The following SCFD2 variants were observed in gnomAD, a reference collection of about 807,000 sequenced individuals.
SCFD2 encodes the protein sec1 family domain-containing protein 2.
Under a neutral mutation model 58.9 loss-of-function variants are expected in SCFD2, and 54 were observed. The observed-to-expected ratio is 0.92, with a 90% confidence interval of 0.74 to 1.15. The LOEUF is 1.15. Among genes scored for constraint, SCFD2 ranks in the 50% most tolerant of loss-of-function variants. The pLI, the probability that SCFD2 is intolerant of heterozygous loss-of-function variation, is 0.00. For synonymous variants in SCFD2, 321 were observed against 335.9 expected (o/e 0.96, Z 0.49); for missense variants, 805 against 836.6 (o/e 0.96, Z 0.47).
intron 5 of SCFD2, among the ~76,000 whole-genome samples, chr4:53,110,213 C>G (rs1245599926): frequency 6.6e-6 from 1 of 152,126 alleles, no homozygotes; most frequent in African/African-American, 2.4e-5. Flanking sequence ...AACTGGATCC[C>G]TTCCTTACAC....
At chr4:53,295,347 G>C (rs1400227980) in intron 3 of SCFD2, among the ~76,000 whole-genome samples, 1 of 152,034 alleles carries the variant, frequency 6.6e-6, no homozygotes, top group Non-Finnish European at 1.5e-5. Context: ...CCTTGAAGAG[G>C]TCCTTCAAAT....
At chr4:53,239,745 G>C (rs1012128853) in intron 4 of SCFD2, among the ~76,000 whole-genome samples, 4 of 152,092 alleles carry the variant, frequency 2.6e-5, no homozygotes, top group South Asian at 4.1e-4. Context: ...CAAAGTGCTG[G>C]GATTACAGGC....
chr4:53,211,427 G>A (rs986100792), intron 4 of SCFD2, among the ~76,000 whole-genome samples: 4 of 152,150 alleles, frequency 2.6e-5, no homozygotes, highest in East Asian at 1.9e-4. Context: ...ATTGGTAAAC[G>A]TGAGTGTTTT....
chr4:53,144,413 A>G, intron 5 of SCFD2, among the ~76,000 whole-genome samples: 1 of 149,594 alleles, frequency 6.7e-6, no homozygotes, highest in Middle Eastern at 3.5e-3. Flanking sequence ...ATGTATATAT[A>G]TGGACTTATA....
At chr4:52,875,632 CAAAAAG>C (rs1718451241) in intron 8 of SCFD2, among the ~76,000 whole-genome samples, 1 of 150,832 alleles carries the variant, frequency 6.6e-6, no homozygotes, top group African/African-American at 2.4e-5. Context: ...TGATGGAAAA[CAAAAAG>C]TCTATACTCC....
At chr4:53,238,570 G>C in intron 4 of SCFD2, among the ~76,000 whole-genome samples, 1 of 151,104 alleles carries the variant, frequency 6.6e-6, no homozygotes, top group South Asian at 2.1e-4. Flanking sequence ...CAGATGGGGC[G>C]GCTGCCGGGC....
At chr4:53,271,135 T>C (rs892857067) in intron 4 of SCFD2, among the ~76,000 whole-genome samples, 1 of 152,160 alleles carries the variant, frequency 6.6e-6, no homozygotes, top group Non-Finnish European at 1.5e-5. Flanking sequence ...TTAGACATTC[T>C]GGATAATGAA....
intron 5 of SCFD2, among the ~76,000 whole-genome samples, chr4:53,019,878 C>G (rs1031127684): frequency 1.3e-5 from 2 of 152,140 alleles, no homozygotes; most frequent in Non-Finnish European, 2.9e-5. Flanking sequence ...AAAGGACAAG[C>G]TACTCGGAGG....
intron 4 of SCFD2, among the ~76,000 whole-genome samples, chr4:53,217,672 T>G (rs1255508257): frequency 6.6e-6 from 1 of 152,250 alleles, no homozygotes; most frequent in Non-Finnish European, 1.5e-5. Context: ...TGTGTGAATT[T>G]GATCCTGTCA....
intron 2 of SCFD2, among the ~76,000 whole-genome samples, chr4:53,335,280 T>C (rs1469017165): frequency 6.9e-6 from 1 of 143,930 alleles, no homozygotes; most frequent in Non-Finnish European, 1.5e-5. Context: ...CAGAAATACA[T>C]AACCTGAATC....
chr4:52,953,823 T>A (rs958281402), intron 5 of SCFD2, among the ~76,000 whole-genome samples: 3 of 152,228 alleles, frequency 2.0e-5, no homozygotes, highest in Non-Finnish European at 4.4e-5. Context: ...TGGGCAGGAA[T>A]ATTTGATAAA....
intron 5 of SCFD2, among the ~76,000 whole-genome samples, chr4:52,972,660 A>G (rs909864668): frequency 3.3e-5 from 5 of 152,198 alleles, no homozygotes; most frequent in Admixed American, 1.3e-4. Flanking sequence ...CTCTGCACCA[A>G]GCAGACCTAA....
At chr4:52,945,441 A>T (rs1720398624) in intron 5 of SCFD2, among the ~76,000 whole-genome samples, 1 of 152,152 alleles carries the variant, frequency 6.6e-6, no homozygotes. Context: ...CCCTCAACAC[A>T]TATATTTTAA....
At chr4:53,053,817 C>T (rs757161844) in intron 5 of SCFD2, among the ~76,000 whole-genome samples, 1 of 152,100 alleles carries the variant, frequency 6.6e-6, no homozygotes, top group African/African-American at 2.4e-5. Flanking sequence ...TAAATTAATA[C>T]ATAGTAGATG....
At chr4:53,019,001 TGGTCAGATG>T (rs1483765628) in intron 5 of SCFD2, among the ~76,000 whole-genome samples, 1 of 152,210 alleles carries the variant, frequency 6.6e-6, no homozygotes, top group Non-Finnish European at 1.5e-5. Flanking sequence ...GGAATGATTT[TGGTCAGATG>T]GGTCCTCTCA....
chr4:53,079,236 G>T (rs1724070621), intron 5 of SCFD2, among the ~76,000 whole-genome samples: 1 of 152,174 alleles, frequency 6.6e-6, no homozygotes, highest in Non-Finnish European at 1.5e-5. Flanking sequence ...GAGCACTGAT[G>T]TCTGGGGGGC....
In SCFD2 at chr4:53,063,242, T is replaced by C. The variant is rs140857004; in HGVS notation, c.1561+82091A>G. 2.0e-5 allele frequency among the ~76,000 whole-genome samples: 3 copies of C among 152,268 alleles called. No homozygotes were observed. In the East Asian group the frequency reaches 5.8e-4, roughly 29 times the overall value. On this transcript the variant is annotated intron_variant, in intron 5 of 8. Coordinates refer to ENST00000401642, the MANE Select transcript of SCFD2 (RefSeq NM_152540.4). ...TTATTCAAAATTTATTTACAAACAG[T>C]GATCTTAGGACTTTCACCTTTCAAC...
chr4:53,250,075 A>G (rs1474249819), intron 4 of SCFD2, among the ~76,000 whole-genome samples: 4 of 152,200 alleles, frequency 2.6e-5, no homozygotes, highest in African/African-American at 9.6e-5. Context: ...GCAGAGACAC[A>G]CATAGGCTCA....
intron 1 of SCFD2, among the ~76,000 whole-genome samples, chr4:53,360,284 A>C (rs1218818894): frequency 2.6e-5 from 4 of 152,216 alleles, no homozygotes; most frequent in Non-Finnish European, 5.9e-5. Context: ...GTATCTATTA[A>C]AAAGACATCA....
Sources: gnomAD v4.1 joint callset for allele counts (sites outside exome capture counted in the v4.1 genomes callset) on GRCh38, gnomAD v4.1.1 for gene constraint, MANE v1.5 for transcripts, NCBI Gene and HGNC (gene_info 2026-07-23, HGNC 2026-07-21) for gene names.